The following F13A1 variants were observed in gnomAD, a reference collection of about 807,000 sequenced individuals.
F13A1 encodes coagulation factor XIII A chain.
F13A1 carries 47 observed loss-of-function variants against 80.1 expected under a neutral mutation model. The observed-to-expected ratio is 0.59, with a 90% CI of 0.46 to 0.75. The LOEUF is 0.75. Ranked by LOEUF, F13A1 falls within the 30% of genes least tolerant of loss-of-function variation. The probability of loss-of-function intolerance (pLI) is 0.00; values close to 1 mark genes in which losing one functional copy is unlikely to be tolerated. For synonymous variants in F13A1, 349 were observed against 344.9 expected (o/e 1.01, Z -0.13); for missense variants, 817 against 930.4 (o/e 0.88, Z 1.59).
intron 12 of F13A1, among the ~76,000 whole-genome samples, chr6:6,172,233 A>T (rs1480925955): frequency 6.6e-6 from 1 of 152,132 alleles, no homozygotes; most frequent in African/African-American, 2.4e-5. Flanking sequence ...TGCTCAGGAA[A>T]CACAGCTGGT....
chr6:6,235,653 T>C (rs1757404109), intron 6 of F13A1, among the ~76,000 whole-genome samples: 3 of 152,074 alleles, frequency 2.0e-5, no homozygotes, highest in Non-Finnish European at 2.9e-5. Flanking sequence ...CGGGAGGATA[T>C]GCAACACTTT....
chr6:6,224,016 G>A (rs142964087), intron 7 of F13A1, among the ~76,000 whole-genome samples: 1 of 152,254 alleles, frequency 6.6e-6, no homozygotes, highest in East Asian at 1.9e-4. Context: ...AGAGGCAAAT[G>A]CCTCTGAAAA....
At chr6:6,206,374 A>G (rs1219881628) in intron 8 of F13A1, 2 of 427,902 alleles carry the variant, frequency 4.7e-6, no homozygotes, top group African/African-American at 4.1e-5. Flanking sequence ...GGCAAAAATT[A>G]TGATTAACCA....
chr6:6,235,742 A>G (rs1238535745), intron 6 of F13A1, among the ~76,000 whole-genome samples: 2 of 152,098 alleles, frequency 1.3e-5, no homozygotes, highest in Admixed American at 1.3e-4. Flanking sequence ...TTAAAAATTA[A>G]ACCTATGTTT....
chr6:6,157,724 G>A (rs2326708), intron 13 of F13A1, among the ~76,000 whole-genome samples: 41,925 of 152,048 alleles, frequency 0.28, 6,174 homozygotes, highest in African/African-American at 0.39. Context: ...TTAAAAATGA[G>A]AGATGCCACT....
At chr6:6,236,474 G>A (rs1173712694) in intron 6 of F13A1, among the ~76,000 whole-genome samples, 4 of 152,038 alleles carry the variant, frequency 2.6e-5, no homozygotes, top group Admixed American at 2.6e-4. Context: ...ATTGGAATAT[G>A]AGCAGATTCT....
Position 6,162,139 on chromosome 6 carries a change from T to G in F13A1, c.1908+5319A>C, listed in dbSNP as rs1162978809. On this transcript the variant is annotated intron_variant, in intron 13 of 14. Coordinates refer to ENST00000264870, the MANE Select transcript of F13A1 (RefSeq NM_000129.4). This position sits in a 1 kb window ranked among gnomAD's most constrained non-coding sequence, Gnocchi z 4.2. ...CATGTTACATTCCCACTCTAGAAAC[T>G]CCCTTGAAGCCTCTTTGTTCAGAGA... Among the ~76,000 whole-genome samples, 1 of 152,110 alleles carries G rather than the reference T, an allele frequency of 6.6e-6. No individual in the cohort carries two copies. Among genetic ancestry groups the G allele is most frequent in the Non-Finnish European group, 1.5e-5 (1 of 68,020 alleles).
chr6:6,295,553 G>A (rs1248733016), intron 3 of F13A1, among the ~76,000 whole-genome samples: 4 of 146,486 alleles, frequency 2.7e-5, no homozygotes, highest in Non-Finnish European at 4.5e-5. Context: ...CTTTTGAGAA[G>A]TGTCTGTTCA....
At chr6:6,145,911 G>T in intron 14 of F13A1, 139 bp from the exon 15 acceptor site, 1 of 1,116,154 alleles carries the variant, frequency 9.0e-7, no homozygotes, top group Non-Finnish European at 1.3e-6. Flanking sequence ...CTCACTGGCT[G>T]ATTCAGCAAG....
intron 9 of F13A1, 104 bp downstream of exon 9, chr6:6,197,119 T>C (rs1761304339): frequency 1.0e-6 from 1 of 1,001,356 alleles, no homozygotes; most frequent in African/African-American, 1.6e-5. Context: ...ACACTTCAGA[T>C]GTTGCCTCCC....
At chr6:6,312,315 T>C (rs962539394) in intron 2 of F13A1, among the ~76,000 whole-genome samples, 3 of 151,992 alleles carry the variant, frequency 2.0e-5, no homozygotes, top group African/African-American at 7.3e-5. Flanking sequence ...ATCACAGTGG[T>C]ACTATAAGTG....
intron 2 of F13A1, among the ~76,000 whole-genome samples, chr6:6,307,032 G>C (rs750797589): frequency 6.6e-6 from 1 of 152,164 alleles, no homozygotes; most frequent in African/African-American, 2.4e-5. Flanking sequence ...AAATTACTGC[G>C]TTAAGGTACT....
At chr6:6,272,704 T>C (rs1006049594) in intron 3 of F13A1, among the ~76,000 whole-genome samples, 7 of 152,194 alleles carry the variant, frequency 4.6e-5, no homozygotes, top group Non-Finnish European at 1.0e-4. Flanking sequence ...GGTCCTAAGA[T>C]GTTGACAGCT....
intron 1 of F13A1, 101 bp from the exon 2 acceptor site, chr6:6,318,783 T>TGATA: frequency 8.0e-7 from 1 of 1,257,230 alleles, no homozygotes. Context: ...TATCTGTGTG[T>TGATA]GATAGCACTT....
At chr6:6,275,295 C>G (rs1475573688) in intron 3 of F13A1, among the ~76,000 whole-genome samples, 5 of 151,874 alleles carry the variant, frequency 3.3e-5, no homozygotes, top group Non-Finnish European at 7.4e-5. Flanking sequence ...ATAGGCGACC[C>G]CAGGTTTTGT....
intron 3 of F13A1, 98 bp from the exon 4 acceptor site, chr6:6,266,907 A>G (rs3024476): frequency 1.3e-6 from 2 of 1,511,918 alleles, no homozygotes; most frequent in African/African-American, 1.4e-5. Flanking sequence ...GGAGTAATCC[A>G]TTAGAATTAT....
At chr6:6,190,794 T>G (rs62408004) in intron 10 of F13A1, among the ~76,000 whole-genome samples, 4 of 151,646 alleles carry the variant, frequency 2.6e-5, no homozygotes, top group African/African-American at 7.3e-5. Context: ...TAAGCAAGCC[T>G]GGGCAATGGT....
At chr6:6,245,632 C>G (rs1319506502) in intron 6 of F13A1, among the ~76,000 whole-genome samples, 1 of 152,178 alleles carries the variant, frequency 6.6e-6, no homozygotes, top group Non-Finnish European at 1.5e-5. Flanking sequence ...ACCTTCAGTG[C>G]TAGACTTGTC....
intron 10 of F13A1, among the ~76,000 whole-genome samples, chr6:6,182,800 C>A (rs746548013): frequency 3.3e-5 from 5 of 152,150 alleles, no homozygotes; most frequent in Non-Finnish European, 4.4e-5. Context: ...TCAGGACCAC[C>A]TATTTCAGGA....
Sources: gnomAD v4.1 joint callset for allele counts (sites outside exome capture counted in the v4.1 genomes callset) on GRCh38, gnomAD v4.1.1 for gene constraint, Gnocchi (gnomAD v3.1) non-coding constraint, MANE v1.5 for transcripts, NCBI Gene and HGNC (gene_info 2026-07-23, HGNC 2026-07-21) for gene names.